The following PBX1 variants were observed in gnomAD, a reference collection of about 807,000 sequenced individuals.
PBX1 encodes pre-B-cell leukemia transcription factor 1.
PBX1 carries 6 observed loss-of-function variants against 53.4 expected under a neutral mutation model. The observed-to-expected ratio is 0.11, with a 90% CI of 0.06 to 0.22. The LOEUF is 0.22. Ranked by LOEUF, PBX1 falls within the 10% of genes least tolerant of loss-of-function variation. The pLI, the probability that PBX1 is intolerant of heterozygous loss-of-function variation, is 1.00. For synonymous variants in PBX1, 204 were observed against 212.3 expected (o/e 0.96, Z 0.34); for missense variants, 251 against 551.4 (o/e 0.46, Z 5.46).
chr1:164,804,564 C>T (rs952318240), intron 4 of PBX1, among the ~76,000 whole-genome samples: 1 of 152,218 alleles, frequency 6.6e-6, no homozygotes, highest in African/African-American at 2.4e-5. Flanking sequence ...AGATATAGAA[C>T]ATTTCACTCA....
intron 1 of PBX1, chr1:164,560,442 C>G: frequency 2.7e-6 from 1 of 368,408 alleles, no homozygotes; most frequent in South Asian, 1.5e-4. Context: ...ATAAAATGTC[C>G]CAAGAACACT....
At chr1:164,780,550 A>G (rs1206272627) in intron 2 of PBX1, among the ~76,000 whole-genome samples, 1 of 152,130 alleles carries the variant, frequency 6.6e-6, no homozygotes. Context: ...GAAGAGAGGA[A>G]GAGGCACCAG....
intron 2 of PBX1, among the ~76,000 whole-genome samples, chr1:164,722,493 G>C (rs1035012940): frequency 2.0e-5 from 3 of 152,214 alleles, no homozygotes; most frequent in African/African-American, 7.2e-5. Flanking sequence ...GTTACTGGGA[G>C]AAAGTGCTGT....
At chr1:164,632,125 C>T (rs1443916342) in intron 2 of PBX1, among the ~76,000 whole-genome samples, 1 of 152,188 alleles carries the variant, frequency 6.6e-6, no homozygotes, top group Non-Finnish European at 1.5e-5. Context: ...TGGACAAATA[C>T]TAATATTGTT....
chr1:164,695,086 A>G (rs931014451), intron 2 of PBX1, among the ~76,000 whole-genome samples: 1 of 152,222 alleles, frequency 6.6e-6, no homozygotes, highest in Non-Finnish European at 1.5e-5. Flanking sequence ...GTTGTGAAGT[A>G]TGTCACAAGT....
intron 2 of PBX1, among the ~76,000 whole-genome samples, chr1:164,694,962 A>G (rs1478179721): frequency 6.6e-6 from 1 of 152,148 alleles, no homozygotes; most frequent in Non-Finnish European, 1.5e-5. Context: ...GAGGCCTGCC[A>G]GGAGACTCTT....
intron 2 of PBX1, chr1:164,680,780 A>G (rs952688298): frequency 1.3e-5 from 2 of 152,158 alleles, no homozygotes; most frequent in Non-Finnish European, 1.5e-5. Context: ...GAATAAATCT[A>G]TTGCTCTCCT....
chr1:164,654,066 G>A (rs995756445), intron 2 of PBX1, among the ~76,000 whole-genome samples: 1 of 152,152 alleles, frequency 6.6e-6, no homozygotes, highest in Non-Finnish European at 1.5e-5. Flanking sequence ...GTCAACTCAA[G>A]GATATCACAA....
At chr1:164,787,382 C>A (rs1327371291) in intron 2 of PBX1, among the ~76,000 whole-genome samples, 3 of 152,096 alleles carry the variant, frequency 2.0e-5, no homozygotes, top group Non-Finnish European at 4.4e-5. Context: ...CCCTCCCAAC[C>A]TGCCCCCACC....
At chr1:164,572,921 G>A (rs990185243) in intron 2 of PBX1, among the ~76,000 whole-genome samples, 3 of 152,026 alleles carry the variant, frequency 2.0e-5, no homozygotes, top group African/African-American at 7.3e-5. Flanking sequence ...TCCTGACCCT[G>A]CTTTTATGTT....
chr1:164,566,584 T>C (rs907518643), intron 2 of PBX1, among the ~76,000 whole-genome samples: 1 of 152,202 alleles, frequency 6.6e-6, no homozygotes, highest in African/African-American at 2.4e-5. Flanking sequence ...TTTGCATATG[T>C]GTATATATGG....
chr1:164,704,780 G>T (rs1296467564), intron 2 of PBX1, among the ~76,000 whole-genome samples: 1 of 152,170 alleles, frequency 6.6e-6, no homozygotes, highest in Admixed American at 6.5e-5. Flanking sequence ...GTCTCAGGTA[G>T]ATGTTTTTTC....
At chr1:164,875,783 T>C (rs1282198573) in intron 2 of PBX1, among the ~76,000 whole-genome samples, 2 of 151,996 alleles carry the variant, frequency 1.3e-5, no homozygotes, top group African/African-American at 4.8e-5. Flanking sequence ...AAGGGCACAT[T>C]TGCATGATTT....
chr1:164,690,358 A>AT (rs879572587), intron 2 of PBX1, among the ~76,000 whole-genome samples: 57 of 152,158 alleles, frequency 3.7e-4, no homozygotes, highest in East Asian at 5.8e-4. Flanking sequence ...TTACAATTAT[A>AT]TTTTTTGGAA....
intron 2 of PBX1, among the ~76,000 whole-genome samples, chr1:164,766,023 C>T (rs555874226): frequency 6.6e-6 from 1 of 152,068 alleles, no homozygotes; most frequent in Non-Finnish European, 1.5e-5. Flanking sequence ...TGGTCCCTGC[C>T]CTTGGATGGG....
intron 2 of PBX1, among the ~76,000 whole-genome samples, chr1:164,786,718 T>TGTGTGTGTGTGCGC (rs1391268022): frequency 1.7e-4 from 17 of 100,076 alleles, no homozygotes; most frequent in African/African-American, 6.4e-4. Flanking sequence ...TGTGTGTGTG[T>TGTGTGTGTGTGCGC]GTGCGCGCGC....
At chr1:164,681,915 T>TA (rs1661797748) in intron 2 of PBX1, among the ~76,000 whole-genome samples, 1 of 152,176 alleles carries the variant, frequency 6.6e-6, no homozygotes, top group Non-Finnish European at 1.5e-5. Flanking sequence ...TCTTAACTGG[T>TA]AAAAATATTT....
chr1:164,822,230 CGA>C (rs904144753), intron 8 of PBX1, among the ~76,000 whole-genome samples: 2 of 151,866 alleles, frequency 1.3e-5, no homozygotes, highest in Non-Finnish European at 2.9e-5. Context: ...CAAGGAGAAC[CGA>C]GTGTAGATTT....
intron 2 of PBX1, among the ~76,000 whole-genome samples, chr1:164,754,652 CAG>C (rs1044892064): frequency 2.0e-5 from 3 of 151,388 alleles, no homozygotes; most frequent in Admixed American, 6.6e-5. Context: ...TGTTCTAAAA[CAG>C]AGGGGTGTGT....
Sources: gnomAD v4.1 joint callset for allele counts (sites outside exome capture counted in the v4.1 genomes callset) on GRCh38, gnomAD v4.1.1 for gene constraint, MANE v1.5 for transcripts, NCBI Gene and HGNC (gene_info 2026-07-23, HGNC 2026-07-21) for gene names.